Variants in LRP4 observed in about 807,000 individuals in gnomAD.
LRP4 encodes low-density lipoprotein receptor-related protein 4.
LRP4 carries 95 observed loss-of-function variants against 220.3 expected under a neutral mutation model. The observed-to-expected ratio is 0.43, with a 90% CI of 0.37 to 0.51. The LOEUF is 0.51. Among genes scored for constraint, LRP4 ranks in the 20% least tolerant of loss-of-function variants. The probability of loss-of-function intolerance (pLI) is 0.00; values close to 1 mark genes in which losing one functional copy is unlikely to be tolerated. For missense variants in LRP4, 1,925 were observed against 2,567.0 expected (o/e 0.75, Z 5.40); for synonymous variants, 903 against 954.6 (o/e 0.95, Z 1.00).
At chr11:46,913,120 G>A (rs1246914380) in intron 1 of LRP4, among the ~76,000 whole-genome samples, 3 of 152,166 alleles carry the variant, frequency 2.0e-5, no homozygotes, top group African/African-American at 7.2e-5. Context: ...TCCGCATGGG[G>A]AAACAGGGTG....
rs1438772635 is a variant in LRP4 at position 46,918,406 on chromosome 11, G to A, written c.-27C>T. The A allele has an allele frequency of 1.7e-5, 24 of 1,382,060 alleles. No homozygotes were observed. The highest frequency in any genetic ancestry group is 2.1e-5 in the Non-Finnish European group (23 of 1,070,228). The allele number at this position is 1,382,060 out of a possible 1,614,324, so 85.6% of individuals were successfully genotyped here. On this transcript the variant is annotated 5_prime_UTR_variant, in exon 1 of 38. Transcript: ENST00000378623. The surrounding 1 kb of genome is among the most constrained non-coding windows in gnomAD (Gnocchi z 6.0). Reference sequence around the variant, plus strand: ...GTGCCGCCCGCGCCGCTCGCCCGGGGTCCCGCCGGCTCCCGCCGGACGGCG... The same window carrying A: ...GTGCCGCCCGCGCCGCTCGCCCGGGATCCCGCCGGCTCCCGCCGGACGGCG...
chr11:46,873,007 C>T lies in LRP4; in HGVS notation c.4583+93G>A, dbSNP rs1940910254. On this transcript the variant is annotated intron_variant, in intron 30 of 37. Coordinates refer to ENST00000378623, the MANE Select transcript of LRP4 (RefSeq NM_002334.4). This position sits in a 1 kb window ranked among gnomAD's most constrained non-coding sequence, Gnocchi z 4.2. ...TTCCTCTTCCCCACATACCAAGAAG[C>T]TTTCTATCTTTTCATTTTTCCAAGG... 1 of 1,540,118 alleles carries T rather than the reference C, an allele frequency of 6.5e-7. No homozygotes were observed. Among genetic ancestry groups the T allele is most frequent in the Non-Finnish European group, 9.0e-7 (1 of 1,115,286 alleles).
At position 46,900,295 on chromosome 11, in the gene LRP4, C is replaced by T. The variant is rs1431228331; in HGVS notation, c.283G>A (p.Asp95Asn). Residue 95 changes from aspartate to asparagine, a missense_variant, in exon 3 of 38, where the codon GAC (aspartate) becomes AAC (asparagine). Physicochemically the swap from Asp to Asn is conservative, Grantham distance 23. Coordinates refer to ENST00000378623, the MANE Select transcript of LRP4 (RefSeq NM_002334.4). ...TGCTCATCCGAGTCATCCTCACAGT[C>T]GTTGTCCCCGTCACACACCCAGGAG... ...RRSWVCDGDN[D>N]CEDDSDEQDC... 5.0e-6 allele frequency: 8 copies of T among 1,613,992 alleles called. No homozygotes were observed. The highest frequency in any genetic ancestry group is 6.8e-6 in the Non-Finnish European group (8 of 1,179,976).
At position 46,875,567 on chromosome 11, in the gene LRP4, T is replaced by C. The variant is rs1335091986; in HGVS notation, c.3814A>G (p.Thr1272Ala). 6.2e-7 allele frequency: 1 copy of C among 1,613,960 alleles called. No individual in the cohort carries two copies. The highest frequency in any genetic ancestry group is 8.5e-7 in the Non-Finnish European group (1 of 1,179,990). Residue 1272 changes from threonine to alanine, a missense_variant, in exon 27 of 38, where the codon ACT becomes GCT. This residue lies in a region of LRP4 where 1,244 missense variants were observed against 1,624.9 expected (regional missense o/e 0.77). Transcript: ENST00000378623. This position sits in a 1 kb window ranked among gnomAD's most constrained non-coding sequence, Gnocchi z 4.5. Reference sequence around the variant, plus strand: ...TTGTCAGCACGGTGGATGCTCCGAGTCTGCCAGTCAGTCCAGTAGATATAG... The same window carrying C: ...TTGTCAGCACGGTGGATGCTCCGAGCCTGCCAGTCAGTCCAGTAGATATAG... ...DSYIYWTDWQ[T>A]RSIHRADKGT...
At chr11:46,894,450 A>T in intron 12 of LRP4, 139 bp downstream of exon 12, 1 of 702,198 alleles carries the variant, frequency 1.4e-6, no homozygotes, top group Non-Finnish European at 2.6e-6. Context: ...TGTTTTCTAT[A>T]TTAGGGCTCC....
At position 46,875,450 on chromosome 11, in the gene LRP4, T is replaced by G. The variant is rs749452779; in HGVS notation, c.3925+6A>C. The G allele has an allele frequency of 3.7e-6, 6 of 1,613,158 alleles. No homozygotes were observed. In the Admixed American group the frequency reaches 1.0e-4, roughly 27 times the overall value. ...TGACTCACAGCCCCAGCCCTCTGACTCTCACCTAGTGGCTGTGCCCGGTCC... is the reference window on the plus strand; with the variant it reads ...TGACTCACAGCCCCAGCCCTCTGACGCTCACCTAGTGGCTGTGCCCGGTCC... On this transcript the variant is annotated splice_donor_region_variant and intron_variant, in intron 27 of 37. Coordinates refer to ENST00000378623, the MANE Select transcript of LRP4 (RefSeq NM_002334.4). The surrounding 1 kb of genome is among the most constrained non-coding windows in gnomAD (Gnocchi z 4.5).
chr11:46,912,028 A>G (rs1429255534), intron 1 of LRP4, among the ~76,000 whole-genome samples: 1 of 151,690 alleles, frequency 6.6e-6, no homozygotes, highest in Admixed American at 6.6e-5. Flanking sequence ...TAATTTTTGT[A>G]TTTTTAGTAG....
Position 46,882,007 on chromosome 11 carries a change from C to T in LRP4, c.2613-104G>A, listed in dbSNP as rs955036328. 7 of 1,048,822 alleles carry T rather than the reference C, an allele frequency of 6.7e-6. No homozygotes were observed. In the African/African-American group the frequency reaches 1.1e-4, roughly 17 times the overall value. The allele number at this position is 1,048,822 out of a possible 1,614,324, so 65.0% of individuals were successfully genotyped here. On this transcript the variant is annotated intron_variant, in intron 19 of 37. Transcript: ENST00000378623. ...GTTTCTGCCTGAAGCAGATCCTCAT[C>T]AGCCTCAGCCTCCTGCATCAGTGTC... is the stretch of plus-strand genomic sequence containing the variant.
chr11:46,900,635 GT>G (rs1324641932), intron 2 of LRP4, among the ~76,000 whole-genome samples: 2 of 151,294 alleles, frequency 1.3e-5, no homozygotes, highest in Non-Finnish European at 2.9e-5. Flanking sequence ...ACCTGGCTAG[GT>G]TTTTTTGGTT....
intron 1 of LRP4, among the ~76,000 whole-genome samples, chr11:46,905,260 G>A (rs1192478268): frequency 1.3e-5 from 2 of 152,176 alleles, no homozygotes; most frequent in African/African-American, 4.8e-5. Context: ...ACAGCCTGAG[G>A]AACTTCAGTA....
At chr11:46,913,187 G>A (rs1027154455) in intron 1 of LRP4, among the ~76,000 whole-genome samples, 10 of 152,188 alleles carry the variant, frequency 6.6e-5, no homozygotes, top group South Asian at 2.1e-4. Context: ...GAATGCCTAC[G>A]AGCAGTGAAA....
chr11:46,918,391 C>T lies in LRP4; in HGVS notation c.-12G>A. On this transcript the variant is annotated 5_prime_UTR_variant, in exon 1 of 38. Coordinates refer to ENST00000378623, the MANE Select transcript of LRP4 (RefSeq NM_002334.4). This position sits in a 1 kb window ranked among gnomAD's most constrained non-coding sequence, Gnocchi z 6.0. ...CACTGCCGCCTCATGGTGCCGCCCG[C>T]GCCGCTCGCCCGGGGTCCCGCCGGC... The T allele has an allele frequency of 7.0e-7, 1 of 1,427,270 alleles. No homozygotes were observed. Among genetic ancestry groups the T allele is most frequent in the Non-Finnish European group, 9.2e-7 (1 of 1,091,782 alleles). 88.4% of individuals were successfully genotyped at this position (1,427,270 alleles called of 1,614,324 possible). A position where few individuals can be genotyped will look rare whatever the true frequency, so the allele number is the denominator to read the frequency against.
chr11:46,900,162 AAC>A (rs1374414123), intron 3 of LRP4, 98 bp downstream of exon 3: 1 of 1,050,392 alleles, frequency 9.5e-7, no homozygotes, highest in African/African-American at 1.6e-5. Context: ...AAGTGCTGAA[AAC>A]ACAAGGGCTC....
intron 2 of LRP4, among the ~76,000 whole-genome samples, chr11:46,901,603 T>C (rs1210738357): frequency 6.6e-6 from 1 of 152,146 alleles, no homozygotes; most frequent in Non-Finnish European, 1.5e-5. Context: ...ATGCTACAGG[T>C]AGGTCAGAGA....
At chr11:46,889,711 G>A (rs1941379429) in intron 15 of LRP4, 178 bp from the exon 16 acceptor site, 1 of 886,076 alleles carries the variant, frequency 1.1e-6, no homozygotes, top group Admixed American at 2.1e-5. Context: ...GAGATGCCCT[G>A]TAAATGTCTG....
In LRP4 at chr11:46,890,220, G is replaced by T. The variant is rs1283314035; in HGVS notation, c.1915+57C>A. 1 of 1,605,350 alleles carries T rather than the reference G, an allele frequency of 6.2e-7. No homozygotes were observed. Among genetic ancestry groups the T allele is most frequent in the Non-Finnish European group, 8.5e-7 (1 of 1,172,420 alleles). ...CAAAACCTCTACCAAGGCTCCTGGG[G>T]GGCAGGGACGGGGGCAGGAGGACAA... On this transcript the variant is annotated intron_variant, in intron 14 of 37. Transcript: ENST00000378623. This position sits in a 1 kb window ranked among gnomAD's most constrained non-coding sequence, Gnocchi z 5.3.
intron 7 of LRP4, 66 bp downstream of exon 7, chr11:46,898,492 G>A (rs1229457848): frequency 1.9e-6 from 3 of 1,605,152 alleles, no homozygotes; most frequent in South Asian, 1.1e-5. Flanking sequence ...AGCCGGTAGT[G>A]GCCTCTTTGG....
At position 46,886,176 on chromosome 11, in the gene LRP4, G is replaced by C. The variant is rs200247011; in HGVS notation, c.2425-4C>G. ...CCAAACTGGTATCCACTACCACCTGGGCAGGAAGCAAAGCTGTATCACCAA... is the reference window on the plus strand; with the variant it reads ...CCAAACTGGTATCCACTACCACCTGCGCAGGAAGCAAAGCTGTATCACCAA... On this transcript the variant is annotated splice_region_variant and splice_polypyrimidine_tract_variant and intron_variant, in intron 17 of 37. Transcript: ENST00000378623. 6.2e-7 allele frequency: 1 copy of C among 1,613,668 alleles called. No individual in the cohort carries two copies. The highest frequency in any genetic ancestry group is 2.2e-5 in the East Asian group (1 of 44,882).
intron 12 of LRP4, among the ~76,000 whole-genome samples, chr11:46,893,599 T>G (rs1477284802): frequency 6.6e-6 from 1 of 152,186 alleles, no homozygotes; most frequent in Admixed American, 6.5e-5. Context: ...TTTCTGTGGT[T>G]TTTTGTTTGT....
Sources: gnomAD v4.1 joint callset for allele counts (sites outside exome capture counted in the v4.1 genomes callset) on GRCh38, gnomAD v4.1.1 for gene constraint, gnomAD v4.1.1 regional missense constraint, Gnocchi (gnomAD v3.1) non-coding constraint, MANE v1.5 for transcripts, NCBI Gene and HGNC (gene_info 2026-07-23, HGNC 2026-07-21) for gene names.